The following USP54 variants were observed in gnomAD, a reference collection of about 807,000 sequenced individuals.
USP54 encodes ubiquitin carboxyl-terminal hydrolase 54.
Under a neutral mutation model 170.5 loss-of-function variants are expected in USP54, and 87 were observed. The ratio of observed to expected loss-of-function variants is 0.51; its 90% confidence interval spans 0.43 to 0.61. USP54 has a LOEUF of 0.61. Among genes scored for constraint, USP54 ranks in the 20% least tolerant of loss-of-function variants. The pLI, the probability that USP54 is intolerant of heterozygous loss-of-function variation, is 0.00. For synonymous variants in USP54, 655 were observed against 742.8 expected, an observed-to-expected ratio of 0.88 and a Z score of 1.92; for missense variants, 1,786 against 2,047.8, an observed-to-expected ratio of 0.87 and a Z score of 2.47.
At chr10:73,567,110 C>T (rs1489722418) in intron 4 of USP54, among the ~76,000 whole-genome samples, 1 of 151,838 alleles carries the variant, frequency 6.6e-6, no homozygotes, top group Non-Finnish European at 1.5e-5. Context: ...AACTCCTTAC[C>T]TCAGGTGATC....
chr10:73,562,153 T>G (rs369112873), intron 4 of USP54, among the ~76,000 whole-genome samples: 10 of 152,082 alleles, frequency 6.6e-5, no homozygotes, highest in African/African-American at 2.2e-4. Context: ...ATGCTAGAAT[T>G]CAGGCAATTT....
At chr10:73,569,325 T>C (rs1314526397) in intron 4 of USP54, among the ~76,000 whole-genome samples, 1 of 152,232 alleles carries the variant, frequency 6.6e-6, no homozygotes, top group African/African-American at 2.4e-5. Flanking sequence ...ATACTTAATG[T>C]ATCTTTCAGA....
intron 1 of USP54, among the ~76,000 whole-genome samples, chr10:73,610,018 A>G (rs1166254991): frequency 4.6e-5 from 7 of 151,302 alleles, no homozygotes; most frequent in African/African-American, 1.7e-4. Context: ...TCCAAAAAAA[A>G]AAAAAAAAAA....
intron 22 of USP54, among the ~76,000 whole-genome samples, chr10:73,501,127 AG>A (rs2133120654): frequency 6.6e-6 from 1 of 152,324 alleles, no homozygotes; most frequent in East Asian, 1.9e-4. Context: ...TGCTAACAGT[AG>A]AATTAGAGAG....
At chr10:73,584,017 G>A (rs1180749736) in intron 1 of USP54, among the ~76,000 whole-genome samples, 1 of 152,122 alleles carries the variant, frequency 6.6e-6, no homozygotes, top group African/African-American at 2.4e-5. Flanking sequence ...GGAACTTTGG[G>A]CCCAAAAGGG....
intron 1 of USP54, among the ~76,000 whole-genome samples, chr10:73,608,238 C>A (rs916540787): frequency 6.6e-6 from 1 of 151,578 alleles, no homozygotes; most frequent in Non-Finnish European, 1.5e-5. Context: ...CCAGCCTGGG[C>A]AACAGAGCGA....
At chr10:73,609,160 T>C (rs1410200658) in intron 1 of USP54, among the ~76,000 whole-genome samples, 1 of 152,172 alleles carries the variant, frequency 6.6e-6, no homozygotes, top group African/African-American at 2.4e-5. Context: ...GAATTCCCAT[T>C]TGTTCCTAAA....
At position 73,545,526 on chromosome 10, in the gene USP54, G is replaced by T; in HGVS notation, c.375+12C>A. 6.2e-7 allele frequency: 1 copy of T among 1,613,878 alleles called. No homozygotes were observed. Among genetic ancestry groups the T allele is most frequent in the Non-Finnish European group, 8.5e-7 (1 of 1,179,818 alleles). On this transcript the variant is annotated intron_variant, in intron 5 of 23. Transcript: ENST00000687698. ...CACCCCATATCAAAGAGGGCCAGAG[G>T]CCAGCACTTACAAAGCACTCTGCAG... is the stretch of plus-strand genomic sequence containing the variant.
At chr10:73,588,407 A>C (rs903082080) in intron 1 of USP54, among the ~76,000 whole-genome samples, 4 of 152,164 alleles carry the variant, frequency 2.6e-5, no homozygotes, top group African/African-American at 9.7e-5. Context: ...TATTTTTAGT[A>C]AAGATGGGGT....
intron 20 of USP54, among the ~76,000 whole-genome samples, chr10:73,514,086 G>T (rs2060653776): frequency 6.6e-6 from 1 of 152,012 alleles, no homozygotes; most frequent in Non-Finnish European, 1.5e-5. Context: ...CAAAATGCTG[G>T]GATCACAGGT....
rs185937482 is a variant in USP54 at position 73,502,331 on chromosome 10, C to T, written c.4312-1493G>A. On this transcript the variant is annotated intron_variant, in intron 22 of 23. Transcript: ENST00000687698. ...TCCTTTCTTCTTTTTTTTTTTGAGACGGAGTCTCGCTCTGTCACCCAGGCT... is the reference window on the plus strand; with the variant it reads ...TCCTTTCTTCTTTTTTTTTTTGAGATGGAGTCTCGCTCTGTCACCCAGGCT... Among the ~76,000 whole-genome samples the T allele has an allele frequency of 1.1e-4, 16 of 151,830 alleles. No individual in the cohort carries two copies. In the South Asian group the frequency reaches 2.7e-3, roughly 26 times the overall value.
At chr10:73,550,664 C>T (rs914522184) in intron 4 of USP54, among the ~76,000 whole-genome samples, 1 of 151,508 alleles carries the variant, frequency 6.6e-6, no homozygotes, top group African/African-American at 2.4e-5. Flanking sequence ...TTATGTGATG[C>T]AGGTAGATCT....
Position 73,536,354 on chromosome 10 carries a change from C to T in USP54, c.1059G>A (p.Gln353=). The change falls in exon 11 of 24, where the codon CAG becomes CAA. Residue 353 remains glutamine, a synonymous_variant. Coordinates refer to ENST00000687698, the MANE Select transcript of USP54 (RefSeq NM_001391956.1). ...GGTCCTGGGTGGAAACTGGGGTACC[C>T]TGGGGATCTGCATAAAGCAGCAGCA... The part of the protein sequence containing the change: ...QPLLLLYADP[Q]GTPVSTQDLP... The T allele has an allele frequency of 6.2e-7, 1 of 1,613,668 alleles. No homozygotes were observed. The highest frequency in any genetic ancestry group is 1.1e-5 in the South Asian group (1 of 91,016).
At chr10:73,623,460 C>A (rs1391072706) in intron 1 of USP54, among the ~76,000 whole-genome samples, 1 of 151,884 alleles carries the variant, frequency 6.6e-6, no homozygotes, top group Non-Finnish European at 1.5e-5. Flanking sequence ...AGTTTGAGAC[C>A]AGCCTGGCAA....
At chr10:73,560,734 G>C (rs1055416460) in intron 4 of USP54, among the ~76,000 whole-genome samples, 1 of 148,314 alleles carries the variant, frequency 6.7e-6, no homozygotes. Context: ...CCATCAAATA[G>C]GACAAGAGTG....
intron 4 of USP54, among the ~76,000 whole-genome samples, chr10:73,546,102 T>G (rs2067736101): frequency 1.3e-5 from 2 of 152,146 alleles, no homozygotes; most frequent in African/African-American, 4.8e-5. Context: ...AATATAAAAT[T>G]ACCAAAAAGT....
chr10:73,535,586 T>C (rs2065056672), intron 11 of USP54, among the ~76,000 whole-genome samples: 1 of 152,206 alleles, frequency 6.6e-6, no homozygotes. Flanking sequence ...TTCTGTGAGC[T>C]ACCCTAGAAC....
At position 73,498,994 on chromosome 10, in the gene USP54, GA is replaced by G. The variant is rs1438029160; in HGVS notation, c.4689del (p.Pro1564LeufsTer3). 6.2e-7 allele frequency: 1 copy of G among 1,614,114 alleles called. No homozygotes were observed. The highest frequency in any genetic ancestry group is 8.5e-7 in the Non-Finnish European group (1 of 1,180,034). ...GTRFLTTPGC[N>X]PQLTYTATLP... ...AGTGTGGCAGTGTAGGTTAGTTGAGGATTGCACCCTGGAGTAGTCAGGAATC... is the reference window on the plus strand; with the variant it reads ...AGTGTGGCAGTGTAGGTTAGTTGAGGTTGCACCCTGGAGTAGTCAGGAATC... On this transcript the variant is annotated frameshift_variant, in exon 24 of 24. Coordinates refer to ENST00000687698, the MANE Select transcript of USP54 (RefSeq NM_001391956.1). LOFTEE classifies it high-confidence loss of function.
intron 4 of USP54, among the ~76,000 whole-genome samples, chr10:73,548,836 C>T (rs1288271864): frequency 1.3e-5 from 2 of 152,248 alleles, no homozygotes; most frequent in Middle Eastern, 3.4e-3. Context: ...AACAAACCTG[C>T]ACGTTGTGCA....
Sources: gnomAD v4.1 joint callset for allele counts (sites outside exome capture counted in the v4.1 genomes callset) on GRCh38, gnomAD v4.1.1 for gene constraint, MANE v1.5 for transcripts, NCBI Gene and HGNC (gene_info 2026-07-23, HGNC 2026-07-21) for gene names.